The following ABAT variants were observed in gnomAD, a reference collection of about 807,000 sequenced individuals.
ABAT encodes the protein 4-aminobutyrate aminotransferase.
ABAT carries 45 observed loss-of-function variants against 64.6 expected under a neutral mutation model. The ratio of observed to expected loss-of-function variants is 0.70; its 90% CI spans 0.55 to 0.89. The LOEUF (loss-of-function observed/expected upper bound fraction) is 0.89. ABAT is among the 40% of genes least tolerant of loss of function. The probability of loss-of-function intolerance (pLI) is 0.00; values close to 1 mark genes in which losing one functional copy is unlikely to be tolerated. For missense variants in ABAT, 633 were observed against 658.4 expected (o/e 0.96, Z 0.42); for synonymous variants, 297 against 250.5 (o/e 1.19, Z -1.75).
chr16:8,712,287 A>C (rs1253088861), intron 1 of ABAT, among the ~76,000 whole-genome samples: 1 of 152,244 alleles, frequency 6.6e-6, no homozygotes, highest in African/African-American at 2.4e-5. Context: ...CCAAGTGCTT[A>C]CTTTTATGCA....
chr16:8,714,092 C>T (rs1030635050), intron 1 of ABAT, among the ~76,000 whole-genome samples: 1 of 152,110 alleles, frequency 6.6e-6, no homozygotes, highest in African/African-American at 2.4e-5. Flanking sequence ...TTCAAGGACA[C>T]TTTGTGAACA....
chr16:8,771,954 T>G (rs1395937820), intron 11 of ABAT, among the ~76,000 whole-genome samples: 1 of 151,866 alleles, frequency 6.6e-6, no homozygotes, highest in African/African-American at 2.4e-5. Context: ...TTTGCAGACA[T>G]GAACCGCGCT....
intron 12 of ABAT, among the ~76,000 whole-genome samples, chr16:8,774,582 C>T (rs978922611): frequency 5.3e-5 from 8 of 152,140 alleles, no homozygotes; most frequent in East Asian, 1.9e-4. Flanking sequence ...AGGTCGAGAC[C>T]CGAGACTGAA....
intron 1 of ABAT, among the ~76,000 whole-genome samples, chr16:8,729,705 A>G (rs2058662517): frequency 6.6e-6 from 1 of 151,888 alleles, no homozygotes; most frequent in East Asian, 1.9e-4. Flanking sequence ...GCATGCCTGT[A>G]GTCCCAGCTA....
intron 4 of ABAT, among the ~76,000 whole-genome samples, chr16:8,750,047 A>C (rs1353655879): frequency 6.6e-6 from 1 of 152,226 alleles, no homozygotes; most frequent in African/African-American, 2.4e-5. Flanking sequence ...GCATTAAGTG[A>C]GTACTTTGCA....
At chr16:8,746,269 A>G (rs905416550) in intron 3 of ABAT, among the ~76,000 whole-genome samples, 171 bp downstream of exon 3, 1 of 152,086 alleles carries the variant, frequency 6.6e-6, no homozygotes, top group Non-Finnish European at 1.5e-5. Flanking sequence ...AAAGCCAAAG[A>G]AGGGCTGGGC....
Position 8,738,737 on chromosome 16 carries a change from C to T in ABAT, c.70+2928C>T, listed in dbSNP as rs143352800. On this transcript the variant is annotated intron_variant, in intron 2 of 15. Coordinates refer to ENST00000268251, the MANE Select transcript of ABAT (RefSeq NM_020686.6). The stretch of plus-strand genomic sequence containing the variant: ...TCGACTCACTGCAACCTCCACCTCC[C>T]GGATTCAAGTGATCCTCCTGCCTCA... 2.3e-3 allele frequency among the ~76,000 whole-genome samples: 343 copies of T among 151,686 alleles called. 1 individual carries two copies. The highest frequency in any genetic ancestry group is 7.7e-3 in the African/African-American group (320 of 41,314).
chr16:8,780,212 G>A (rs1187368809), intron 15 of ABAT, among the ~76,000 whole-genome samples: 1 of 152,236 alleles, frequency 6.6e-6, no homozygotes, highest in South Asian at 2.1e-4. Flanking sequence ...GAAGCTGGGG[G>A]AGGAGAGGCC....
chr16:8,719,207 A>G (rs2058296262), intron 1 of ABAT, among the ~76,000 whole-genome samples: 2 of 152,110 alleles, frequency 1.3e-5, no homozygotes, highest in Non-Finnish European at 1.5e-5. Flanking sequence ...TATTGAACTG[A>G]ACAAACAGAT....
intron 1 of ABAT, among the ~76,000 whole-genome samples, chr16:8,733,640 G>A (rs1050217267): frequency 6.6e-6 from 1 of 151,896 alleles, no homozygotes; most frequent in African/African-American, 2.4e-5. Context: ...GACCGGCCTG[G>A]CCAACACAGC....
chr16:8,719,309 C>G (rs1340642180), intron 1 of ABAT, among the ~76,000 whole-genome samples: 1 of 152,218 alleles, frequency 6.6e-6, no homozygotes, highest in African/African-American at 2.4e-5. Flanking sequence ...TTCTTTCACT[C>G]CTCCTCCCTT....
rs772540336 is a variant in ABAT at position 8,702,265 on chromosome 16, C to CT, written c.-42+27567dup. ...AGAGAGAGCAGAGAGGTGCTGCACTCTTTTTTTTTTTTTCTTTTGGTGTTT... is the reference window on the plus strand; with the variant it reads ...AGAGAGAGCAGAGAGGTGCTGCACTCTTTTTTTTTTTTTTCTTTTGGTGTTT... On this transcript the variant is annotated intron_variant, in intron 1 of 15. Coordinates refer to ENST00000268251, the MANE Select transcript of ABAT (RefSeq NM_020686.6). 1.3e-3 allele frequency among the ~76,000 whole-genome samples: 175 copies of CT among 135,788 alleles called. 1 individual carries two copies. The highest frequency in any genetic ancestry group is 1.5e-3 in the African/African-American group (57 of 37,984). The allele number at this position is 135,788 out of a possible 152,430, so 89.1% of individuals were successfully genotyped here. A position where few individuals can be genotyped will look rare whatever the true frequency, so the allele number is the denominator to read the frequency against.
intron 15 of ABAT, among the ~76,000 whole-genome samples, chr16:8,780,175 C>T (rs867859942): frequency 4.0e-5 from 6 of 151,402 alleles, no homozygotes; most frequent in Middle Eastern, 3.4e-3. Flanking sequence ...AAGAAGGGGG[C>T]GTGAAGGCGA....
At chr16:8,710,857 C>G (rs1567279306) in intron 1 of ABAT, among the ~76,000 whole-genome samples, 1 of 152,188 alleles carries the variant, frequency 6.6e-6, no homozygotes, top group Non-Finnish European at 1.5e-5. Context: ...TTACTTCACT[C>G]TCTGGTTAGG....
intron 1 of ABAT, among the ~76,000 whole-genome samples, chr16:8,677,590 TG>T (rs953021333): frequency 4.6e-5 from 7 of 152,160 alleles, no homozygotes; most frequent in Non-Finnish European, 8.8e-5. Flanking sequence ...TTCTTTGTTG[TG>T]GGACTCCCCT....
chr16:8,678,006 G>A (rs2057244524), intron 1 of ABAT, among the ~76,000 whole-genome samples: 2 of 152,000 alleles, frequency 1.3e-5, no homozygotes, highest in Admixed American at 1.3e-4. Context: ...GCTGCAGTGA[G>A]CCATGATCAC....
chr16:8,748,730 A>T (rs1342626830), intron 4 of ABAT, among the ~76,000 whole-genome samples: 1 of 152,122 alleles, frequency 6.6e-6, no homozygotes, highest in African/African-American at 2.4e-5. Context: ...ATATGTTTAT[A>T]ATTGTCATAT....
chr16:8,728,608 G>T (rs2058627047), intron 1 of ABAT, among the ~76,000 whole-genome samples: 1 of 152,186 alleles, frequency 6.6e-6, no homozygotes, highest in Admixed American at 6.6e-5. Flanking sequence ...ATGCACAGTG[G>T]CTCACACCTG....
At chr16:8,759,053 G>A (rs950085004) in intron 6 of ABAT, among the ~76,000 whole-genome samples, 1 of 152,120 alleles carries the variant, frequency 6.6e-6, no homozygotes, top group Non-Finnish European at 1.5e-5. Flanking sequence ...AGTGAGCTGA[G>A]ATGGTGCCAC....
Sources: gnomAD v4.1 joint callset for allele counts (sites outside exome capture counted in the v4.1 genomes callset) on GRCh38, gnomAD v4.1.1 for gene constraint, MANE v1.5 for transcripts, NCBI Gene and HGNC (gene_info 2026-07-23, HGNC 2026-07-21) for gene names.